The following ABTB3 variants were observed in gnomAD, a reference collection of about 807,000 sequenced individuals.
The protein encoded by ABTB3 is ankyrin repeat- and BTB/POZ domain-containing protein 3.
the ABTB3 span, among the ~76,000 whole-genome samples, chr12:107,362,940 C>A: frequency 2.6e-5 from 4 of 152,294 alleles, no homozygotes; most frequent in African/African-American, 9.6e-5. Context: ...AATTAAGGAT[C>A]CTGTCCTAAT....
chr12:107,628,913 T>C, the ABTB3 span, among the ~76,000 whole-genome samples: 3 of 152,310 alleles, frequency 2.0e-5, no homozygotes, highest in Non-Finnish European at 2.9e-5. Context: ...TCTGGTCCCA[T>C]TGTTTATGTT....
the ABTB3 span, among the ~76,000 whole-genome samples, chr12:107,551,161 A>T: frequency 1.3e-5 from 2 of 152,220 alleles, no homozygotes; most frequent in South Asian, 4.1e-4. Flanking sequence ...TTCCTGAGGG[A>T]GCAATCACAT....
the ABTB3 span, among the ~76,000 whole-genome samples, chr12:107,451,102 G>A: frequency 6.6e-6 from 1 of 152,074 alleles, no homozygotes; most frequent in Non-Finnish European, 1.5e-5. Flanking sequence ...GTGATATTAT[G>A]CAACTGCCAT....
the ABTB3 span, among the ~76,000 whole-genome samples, chr12:107,656,710 G>T: frequency 1.3e-5 from 2 of 152,236 alleles, no homozygotes; most frequent in Non-Finnish European, 2.9e-5. Flanking sequence ...CCACTAACTT[G>T]TGCCGAATGA....
chr12:107,606,843 G>A, the ABTB3 span, among the ~76,000 whole-genome samples: 1 of 152,210 alleles, frequency 6.6e-6, no homozygotes, highest in African/African-American at 2.4e-5. Flanking sequence ...CAAGGGTGCA[G>A]ACTTTTCACC....
the ABTB3 span, among the ~76,000 whole-genome samples, chr12:107,516,406 A>AT: frequency 1.3e-5 from 2 of 151,776 alleles, no homozygotes; most frequent in African/African-American, 4.8e-5. Context: ...AATTTTTTGT[A>AT]TTTTTAGTAG....
the ABTB3 span, among the ~76,000 whole-genome samples, chr12:107,429,282 T>C: frequency 2.0e-5 from 3 of 152,210 alleles, no homozygotes; most frequent in African/African-American, 7.2e-5. Flanking sequence ...GCTATAGCTG[T>C]CCCAGGGCTT....
the ABTB3 span, among the ~76,000 whole-genome samples, chr12:107,612,378 T>A: frequency 2.0e-5 from 3 of 152,170 alleles, no homozygotes; most frequent in Non-Finnish European, 4.4e-5. Context: ...GATGACACTG[T>A]TATATTGTGA....
chr12:107,400,848 C>T, the ABTB3 span, among the ~76,000 whole-genome samples: 163 of 152,240 alleles, frequency 1.1e-3, no homozygotes, highest in Non-Finnish European at 1.9e-3. Flanking sequence ...ATCCGGTGCC[C>T]AGAGGAAAAT....
At chr12:107,414,983 G>A in the ABTB3 span, among the ~76,000 whole-genome samples, 1 of 152,074 alleles carries the variant, frequency 6.6e-6, no homozygotes, top group Admixed American at 6.6e-5. Flanking sequence ...CAAAGTGCTA[G>A]GATTATAGGC....
chr12:107,428,198 T>A, the ABTB3 span, among the ~76,000 whole-genome samples: 2 of 152,112 alleles, frequency 1.3e-5, no homozygotes, highest in Non-Finnish European at 2.9e-5. Flanking sequence ...GACAAATGAA[T>A]AAAAGGAGTA....
the ABTB3 span, among the ~76,000 whole-genome samples, chr12:107,417,083 G>A: frequency 6.6e-6 from 1 of 152,200 alleles, no homozygotes; most frequent in Non-Finnish European, 1.5e-5. Context: ...TTCCCTGCCT[G>A]GATCTTCTTC....
At chr12:107,397,679 G>T in the ABTB3 span, among the ~76,000 whole-genome samples, 1 of 152,124 alleles carries the variant, frequency 6.6e-6, no homozygotes, top group East Asian at 1.9e-4. Context: ...ATTAAGACCT[G>T]ATAATGTAAA....
chr12:107,485,977 G>A, the ABTB3 span, among the ~76,000 whole-genome samples: 1 of 152,208 alleles, frequency 6.6e-6, no homozygotes, highest in South Asian at 2.1e-4. Context: ...CTGGTTAGGA[G>A]AGCTGTACAG....
the ABTB3 span, among the ~76,000 whole-genome samples, chr12:107,358,927 A>G: frequency 6.6e-6 from 1 of 152,146 alleles, no homozygotes; most frequent in African/African-American, 2.4e-5. Flanking sequence ...TAGGATTCTG[A>G]AACCCACTAA....
the ABTB3 span, among the ~76,000 whole-genome samples, chr12:107,471,472 G>A: frequency 1.3e-5 from 2 of 152,200 alleles, no homozygotes; most frequent in African/African-American, 2.4e-5. Flanking sequence ...GGAAAAGAGA[G>A]GAGGTAGTTG....
At chr12:107,463,108 T>C in the ABTB3 span, among the ~76,000 whole-genome samples, 2 of 150,440 alleles carry the variant, frequency 1.3e-5, no homozygotes, top group African/African-American at 2.5e-5. Flanking sequence ...ATGATGGTGA[T>C]AGTGATGATG....
the ABTB3 span, among the ~76,000 whole-genome samples, chr12:107,618,762 T>A: frequency 6.6e-6 from 1 of 152,106 alleles, no homozygotes; most frequent in East Asian, 1.9e-4. Flanking sequence ...AGGCTGGAAA[T>A]CTTTATATTT....
chr12:107,618,101 C>A, the ABTB3 span: 2 of 1,552,800 alleles, frequency 1.3e-6, no homozygotes, highest in Admixed American at 1.7e-5. Flanking sequence ...CCTGCCCTGC[C>A]CCAGCAGATC....
Sources: allele counts gnomAD v4.1 joint callset (sites outside exome capture counted in the v4.1 genomes callset), GRCh38; gene constraint gnomAD v4.1.1; transcripts MANE v1.5; gene names NCBI Gene and HGNC (gene_info 2026-07-23, HGNC 2026-07-21).